The following ITK variants were observed in gnomAD, a reference collection of about 807,000 sequenced individuals.
The protein encoded by ITK is tyrosine-protein kinase ITK/TSK.
Under a neutral mutation model 87.6 loss-of-function variants are expected in ITK, and 45 were observed. That is an observed-to-expected ratio of 0.51 (90% CI 0.40 to 0.66). The LOEUF (loss-of-function observed/expected upper bound fraction) is 0.66, where lower values mean the gene tolerates loss of function less well. Among genes scored for constraint, ITK ranks in the 30% least tolerant of loss-of-function variants. The probability of loss-of-function intolerance (pLI) is 0.00; values close to 1 mark genes in which losing one functional copy is unlikely to be tolerated. For synonymous variants in ITK, 303 were observed against 273.6 expected (o/e 1.11, Z -1.06); for missense variants, 605 against 766.3 (o/e 0.79, Z 2.48).
rs754993426 is a variant in ITK at position 157,244,247 on chromosome 5, G to A, written c.1233-15G>A. On this transcript the variant is annotated splice_polypyrimidine_tract_variant and intron_variant, in intron 12 of 16. Coordinates refer to ENST00000422843, the MANE Select transcript of ITK (RefSeq NM_005546.4). ...CTGAGTTTAGGCCATCTCACCCCTT[G>A]TCTTTTTCCTCCAGGAAACTCTCTC... The A allele has an allele frequency of 6.2e-7, 1 of 1,611,172 alleles. No homozygotes were observed. Among genetic ancestry groups the A allele is most frequent in the Non-Finnish European group, 8.5e-7 (1 of 1,177,226 alleles).
intron 4 of ITK, among the ~76,000 whole-genome samples, chr5:157,216,743 A>G (rs1561655261): frequency 6.6e-6 from 1 of 152,182 alleles, no homozygotes; most frequent in Non-Finnish European, 1.5e-5. Flanking sequence ...GTGAAGCCAG[A>G]GTTAGAACAC....
intron 1 of ITK, among the ~76,000 whole-genome samples, chr5:157,208,225 A>T (rs1754120233): frequency 6.6e-6 from 1 of 152,256 alleles, no homozygotes; most frequent in Non-Finnish European, 1.5e-5. Context: ...AATAGGTAAC[A>T]TGTAACATCA....
At chr5:157,185,769 A>G (rs1021179900) in intron 1 of ITK, among the ~76,000 whole-genome samples, 1 of 151,764 alleles carries the variant, frequency 6.6e-6, no homozygotes, top group Non-Finnish European at 1.5e-5. Context: ...CCTTGAGCCC[A>G]GGAGGTTGAG....
chr5:157,226,011 A>G (rs1754524327), intron 6 of ITK, among the ~76,000 whole-genome samples: 1 of 152,200 alleles, frequency 6.6e-6, no homozygotes. Context: ...AGTCAGCATT[A>G]TGGGAATTTC....
At chr5:157,241,844 A>G in intron 11 of ITK, 124 bp downstream of exon 11, 2 of 702,604 alleles carry the variant, frequency 2.8e-6, no homozygotes, top group South Asian at 1.5e-5. Flanking sequence ...AGTGTATTAT[A>G]TATCTAGAGA....
At position 157,181,134 on chromosome 5, in the gene ITK, T is replaced by C. The variant is rs761792747; in HGVS notation, c.138+19T>C. The C allele has an allele frequency of 6.2e-6, 10 of 1,613,892 alleles. No homozygotes were observed. The highest frequency in any genetic ancestry group is 8.5e-6 in the Non-Finnish European group (10 of 1,179,766). ...TCATGGGGTATGTGAGCAGTTTCAT[T>C]TGTCTTTTTTCGCATAGCATTTTAT... On this transcript the variant is annotated intron_variant, in intron 1 of 16. Transcript: ENST00000422843.
At chr5:157,227,210 G>C (rs1443222662) in intron 6 of ITK, among the ~76,000 whole-genome samples, 1 of 152,060 alleles carries the variant, frequency 6.6e-6, no homozygotes, top group African/African-American at 2.4e-5. Flanking sequence ...TTCATTTGAC[G>C]GGTATAAAGT....
At chr5:157,239,166 C>T (rs954680649) in intron 9 of ITK, among the ~76,000 whole-genome samples, 1 of 152,000 alleles carries the variant, frequency 6.6e-6, no homozygotes, top group African/African-American at 2.4e-5. Context: ...CCCACAACTA[C>T]CCCCAGCTTC....
At chr5:157,222,811 T>G in intron 5 of ITK, 52 bp from the exon 6 acceptor site, 1 of 1,588,266 alleles carries the variant, frequency 6.3e-7, no homozygotes, top group Non-Finnish European at 8.6e-7. Flanking sequence ...AAAGGAGGCA[T>G]TTTACCTCCT....
At chr5:157,202,307 G>A (rs187184794) in intron 1 of ITK, among the ~76,000 whole-genome samples, 37 of 152,182 alleles carry the variant, frequency 2.4e-4, no homozygotes, top group Middle Eastern at 6.8e-3. Context: ...TCTGCCTCCC[G>A]AGTTCAAGCA....
chr5:157,189,039 T>C (rs1357659472), intron 1 of ITK, among the ~76,000 whole-genome samples: 2 of 152,204 alleles, frequency 1.3e-5, no homozygotes, highest in Non-Finnish European at 2.9e-5. Flanking sequence ...TAACTCATGT[T>C]GCATTCAGAA....
intron 11 of ITK, among the ~76,000 whole-genome samples, chr5:157,242,450 C>A (rs1464509695): frequency 1.3e-5 from 2 of 152,216 alleles, no homozygotes; most frequent in Non-Finnish European, 2.9e-5. Context: ...AAACACTCAC[C>A]AAAACACAAT....
chr5:157,241,734 T>C lies in ITK; in HGVS notation c.1060+14T>C. ...GGCTGAGATACGGTGAGCAGTACAA[T>C]CAGGAATGTAAACTCATGTCCCTAA... On this transcript the variant is annotated intron_variant, in intron 11 of 16. Transcript: ENST00000422843. 2 of 1,605,540 alleles carry C rather than the reference T, an allele frequency of 1.2e-6. No individual in the cohort carries two copies. The highest frequency in any genetic ancestry group is 1.3e-5 in the African/African-American group (1 of 74,854).
chr5:157,184,334 G>A (rs975095187), intron 1 of ITK, among the ~76,000 whole-genome samples: 2 of 152,146 alleles, frequency 1.3e-5, no homozygotes, highest in African/African-American at 4.8e-5. Flanking sequence ...AACTACCAAT[G>A]TGATGTCTGC....
chr5:157,223,648 A>T (rs1331805969), intron 6 of ITK, among the ~76,000 whole-genome samples: 1 of 152,022 alleles, frequency 6.6e-6, no homozygotes, highest in Non-Finnish European at 1.5e-5. Context: ...TATCCGATGT[A>T]TTAACCCATG....
chr5:157,184,139 CTGTCAATTTTTT>C (rs1753595781), intron 1 of ITK, among the ~76,000 whole-genome samples: 1 of 144,470 alleles, frequency 6.9e-6, no homozygotes, highest in South Asian at 2.1e-4. Flanking sequence ...TCTCCTGTGC[CTGTCAATTTTTT>C]TCCAAGTTGT....
chr5:157,213,453 C>T (rs1754233250), intron 3 of ITK: 1 of 382,934 alleles, frequency 2.6e-6, no homozygotes, highest in African/African-American at 2.1e-5. Flanking sequence ...GCATGGCTCA[C>T]TGCAGCCTCG....
In ITK at chr5:157,253,133, C is replaced by A. The variant is rs1755176777; in HGVS notation, c.*455C>A. The stretch of plus-strand genomic sequence containing the variant: ...TCCCAGGATATGGAGGCAAGGGGAA[C>A]AAAGAGCATGAGTCTTTTTCCAAGA... On this transcript the variant is annotated 3_prime_UTR_variant, in exon 17 of 17. Coordinates refer to ENST00000422843, the MANE Select transcript of ITK (RefSeq NM_005546.4). The A allele has an allele frequency of 6.7e-6, 2 of 300,680 alleles. No individual in the cohort carries two copies. The highest frequency in any genetic ancestry group is 4.5e-5 in the Admixed American group (1 of 22,068). The allele number at this position is 300,680 out of a possible 1,614,324, so 18.6% of individuals were successfully genotyped here.
chr5:157,242,557 C>T (rs139479236), intron 11 of ITK, among the ~76,000 whole-genome samples: 2 of 152,100 alleles, frequency 1.3e-5, no homozygotes, highest in African/African-American at 4.8e-5. Flanking sequence ...CTCACTGCTG[C>T]CTTGACCTCC....
Sources: gnomAD v4.1 joint callset for allele counts (sites outside exome capture counted in the v4.1 genomes callset) on GRCh38, gnomAD v4.1.1 for gene constraint, MANE v1.5 for transcripts, NCBI Gene and HGNC (gene_info 2026-07-23, HGNC 2026-07-21) for gene names.